TAF5: variants seen among roughly 807,000 people sequenced by gnomAD.
TAF5 encodes the protein TATA-box binding protein associated factor 5, also known as transcription initiation factor TFIID subunit 5.
A neutral mutation model predicts 80.9 loss-of-function variants in TAF5; 20 were observed. That is an observed-to-expected ratio of 0.25 (90% CI 0.17 to 0.36). The LOEUF is 0.36. TAF5 is among the 10% of genes least tolerant of loss of function. The probability of loss-of-function intolerance (pLI) is 1.00; values close to 1 mark genes in which losing one functional copy is unlikely to be tolerated. For synonymous variants in TAF5, 388 were observed against 406.4 expected, an observed-to-expected ratio of 0.95 and a Z score of 0.55; for missense variants, 863 against 1,029.4, an observed-to-expected ratio of 0.84 and a Z score of 2.21.
At chr10:103,384,968 A>G (rs1422658401) in intron 7 of TAF5, among the ~76,000 whole-genome samples, 2 of 152,326 alleles carry the variant, frequency 1.3e-5, no homozygotes, top group East Asian at 3.9e-4. Context: ...TTTAAGTGAC[A>G]TATCACATTT....
intron 2 of TAF5, among the ~76,000 whole-genome samples, chr10:103,375,119 C>CAAAAAAA (rs914374305): frequency 3.0e-4 from 24 of 80,420 alleles, no homozygotes; most frequent in East Asian, 7.0e-4. Flanking sequence ...GACCCTGTCT[C>CAAAAAAA]AAAAAAAAAA....
chr10:103,387,068 GAACT>G (rs58575527), intron 8 of TAF5, 103 bp from the exon 9 acceptor site: 133,895 of 1,161,892 alleles, frequency 0.12, 8,067 homozygotes, highest in Middle Eastern at 0.17. Flanking sequence ...GGCCCACTCA[GAACT>G]AACTTTTTAT....
chr10:103,380,946 TTTTAA>T (rs1255904014), intron 5 of TAF5, among the ~76,000 whole-genome samples: 4 of 151,624 alleles, frequency 2.6e-5, no homozygotes, highest in African/African-American at 7.3e-5. Context: ...TATTTTATTA[TTTTAA>T]TTTAATTTCA....
rs764668364 is a variant in TAF5, at chr10:103,388,136, A to G, written c.2316A>G (p.Thr772=). ...ATTCACAGGAGTTATTGTTGGGAAC[A>G]TATATGACCAAATCAACACCAGTTG... ...PENSQELLLG[T]YMTKSTPVVH... is the part of the protein sequence containing the mutation. The change falls in exon 11 of 11, where the codon ACA becomes ACG. Residue 772 remains threonine (T), a synonymous_variant. Transcript: ENST00000369839. 2 of 1,614,118 alleles carry G rather than the reference A, an allele frequency of 1.2e-6. No individual in the cohort carries two copies. The highest frequency in any genetic ancestry group is 1.7e-4 in the Middle Eastern group (1 of 6,058).
rs755483705 is a variant in TAF5 at position 103,388,230 on chromosome 10, G to A, written c.*7G>A. ...AGCTTATAGTCCACAATAAACCATCGGTATTAAAGACCTTTTGGAAGCTAC... is the reference window on the plus strand; with the variant it reads ...AGCTTATAGTCCACAATAAACCATCAGTATTAAAGACCTTTTGGAAGCTAC... On this transcript the variant is annotated 3_prime_UTR_variant, in exon 11 of 11. Coordinates refer to ENST00000369839, the MANE Select transcript of TAF5 (RefSeq NM_006951.5). 3.8e-5 allele frequency: 61 copies of A among 1,606,946 alleles called. No individual in the cohort carries two copies. Among genetic ancestry groups the A allele is most frequent in the Non-Finnish European group, 4.4e-5 (52 of 1,177,242 alleles).
intron 2 of TAF5, among the ~76,000 whole-genome samples, chr10:103,376,172 A>C (rs2133627582): frequency 4.1e-5 from 6 of 147,874 alleles, no homozygotes; most frequent in Middle Eastern, 3.4e-3. Context: ...GCTCACTGCA[A>C]CCTCCGCCTC....
intron 2 of TAF5, among the ~76,000 whole-genome samples, chr10:103,376,452 G>C (rs1471300855): frequency 6.6e-6 from 1 of 151,960 alleles, no homozygotes; most frequent in Non-Finnish European, 1.5e-5. Context: ...ACTTAACACA[G>C]GGTAGTAGTA....
rs760629612 is a variant in TAF5, at chr10:103,374,186, T to C, written c.797+591T>C. ...CATAAATAAAAGTTTATTTTTGCCT[T>C]TATCTTAAGAAAACTAGGAAGCAGT... On this transcript the variant is annotated intron_variant, in intron 2 of 10. Coordinates refer to ENST00000369839, the MANE Select transcript of TAF5 (RefSeq NM_006951.5). The surrounding 1 kb of genome is among the most constrained non-coding windows in gnomAD (Gnocchi z 4.3). 2.0e-5 allele frequency among the ~76,000 whole-genome samples: 3 copies of C among 152,220 alleles called. No individual in the cohort carries two copies. The highest frequency in any genetic ancestry group is 4.4e-5 in the Non-Finnish European group (3 of 68,036).
intron 1 of TAF5, among the ~76,000 whole-genome samples, chr10:103,370,504 T>C (rs1017461705): frequency 2.0e-5 from 3 of 151,692 alleles, no homozygotes; most frequent in Non-Finnish European, 2.9e-5. Context: ...TTTTTTTGTA[T>C]TTTTATTAGA....
Position 103,387,701 on chromosome 10 carries a change from AAATGACTATTAAT to A in TAF5, c.2185+4_2185+16del. 1.2e-6 allele frequency: 2 copies of A among 1,610,094 alleles called. No individual in the cohort carries two copies. Among genetic ancestry groups the A allele is most frequent in the Middle Eastern group, 1.7e-4 (1 of 6,048 alleles). The stretch of plus-strand genomic sequence containing the variant: ...AGATGGTGAAATTTTGGCATCAGGT[AAATGACTATTAAT>A]GGCTTTACGATAAATGCTATGTTAA... On this transcript the variant is annotated splice_donor_5th_base_variant and intron_variant, in intron 10 of 10. Transcript: ENST00000369839.
At chr10:103,380,276 A>G (rs981645418) in intron 5 of TAF5, among the ~76,000 whole-genome samples, 6 of 152,042 alleles carry the variant, frequency 3.9e-5, no homozygotes, top group Non-Finnish European at 7.4e-5. Context: ...CTACAGGCGC[A>G]TACCGCCATG....
Position 103,368,295 on chromosome 10 carries a change from G to C in TAF5, c.306G>C (p.Gln102His), listed in dbSNP as rs377356153. 255 of 1,582,196 alleles carry C rather than the reference G, an allele frequency of 1.6e-4. No homozygotes were observed. The African/African-American group carries it at 2.6e-3, about 16-fold the overall frequency. Residue 102 changes from glutamine to histidine, a missense_variant, in exon 1 of 11, where the codon CAG (glutamine) becomes CAC (histidine). Transcript: ENST00000369839. The part of the protein sequence containing the change: ...HDRQTLLAVL[Q>H]FLRQSKLREA... ...GACAGACTCTACTGGCCGTGCTGCA[G>C]TTCCTACGGCAGAGCAAACTCCGCG...
At position 103,374,920 on chromosome 10, in the gene TAF5, A is replaced by C. The variant is rs1337076635; in HGVS notation, c.797+1325A>C. On this transcript the variant is annotated intron_variant, in intron 2 of 10. Coordinates refer to ENST00000369839, the MANE Select transcript of TAF5 (RefSeq NM_006951.5). The surrounding 1 kb of genome is among the most constrained non-coding windows in gnomAD (Gnocchi z 4.3). ...GCGGGTGGATCACTTTGACCTCAGG[A>C]GTTTGAGACCAGCCTGGTGAGACCT... Among the ~76,000 whole-genome samples, 1 of 151,962 alleles carries C rather than the reference A, an allele frequency of 6.6e-6. No homozygotes were observed.
At chr10:103,372,025 C>T (rs2093360629) in intron 1 of TAF5, among the ~76,000 whole-genome samples, 1 of 151,522 alleles carries the variant, frequency 6.6e-6, no homozygotes, top group Non-Finnish European at 1.5e-5. Context: ...CAACCTCTGC[C>T]TCCTGGGTTC....
In TAF5 at chr10:103,387,310, C is replaced by T. The variant is rs35965152; in HGVS notation, c.1965C>T (p.Asp655=). The T allele has an allele frequency of 9.9e-4, 1,594 of 1,614,064 alleles. 11 individuals carry two copies. The African/African-American group carries it at 0.016, about 16-fold the overall frequency. Residue 655 remains aspartate, a synonymous_variant, in exon 9 of 11, where the codon GAC becomes GAT. Transcript: ENST00000369839. ...CAGACAGAACTGTGCGGCTCTGGGA[C>T]GTCCTGAATGGTAACTGTGTAAGGA... ...GSADRTVRLW[D]VLNGNCVRIF...
intron 2 of TAF5, among the ~76,000 whole-genome samples, chr10:103,375,248 T>C (rs1410824034): frequency 6.6e-6 from 1 of 152,022 alleles, no homozygotes; most frequent in Non-Finnish European, 1.5e-5. Flanking sequence ...CAAAGAATTA[T>C]CCTGCCCAAA....
In TAF5 at chr10:103,385,398, G is replaced by C; in HGVS notation, c.1737G>C (p.Val579=). The change falls in exon 8 of 11, where the codon GTG becomes GTC. Residue 579 remains valine, a synonymous_variant. Transcript: ENST00000369839. ...GCCTTCAAACATTTACTTGTTTGGT[G>C]GGATATAAAGGACACAACTATCCAG... The part of the protein sequence containing the change: ...LWSLQTFTCL[V]GYKGHNYPVW... 6.2e-7 allele frequency: 1 copy of C among 1,613,950 alleles called. No individual in the cohort carries two copies. The highest frequency in any genetic ancestry group is 8.5e-7 in the Non-Finnish European group (1 of 1,179,892).
intron 1 of TAF5, among the ~76,000 whole-genome samples, chr10:103,369,741 A>G (rs566014281): frequency 9.9e-5 from 15 of 152,246 alleles, no homozygotes; most frequent in African/African-American, 3.6e-4. Flanking sequence ...GCATCACTTC[A>G]GACTTAGTGA....
rs546367941 is a variant in TAF5, at chr10:103,371,992, A to G, written c.560-1366A>G. 4.7e-5 allele frequency among the ~76,000 whole-genome samples: 7 copies of G among 149,340 alleles called. No homozygotes were observed. The South Asian group carries it at 1.5e-3, about 32-fold the overall frequency. ...TTGCTCTGTCACCAGGCTGGAGTGC[A>G]GTGGAGCGATCTTGGCTCACTACAA... On this transcript the variant is annotated intron_variant, in intron 1 of 10. Transcript: ENST00000369839.
Sources: gnomAD v4.1 joint callset for allele counts (sites outside exome capture counted in the v4.1 genomes callset) on GRCh38, gnomAD v4.1.1 for gene constraint, Gnocchi (gnomAD v3.1) non-coding constraint, MANE v1.5 for transcripts, NCBI Gene and HGNC (gene_info 2026-07-23, HGNC 2026-07-21) for gene names.